The following SOX5 variants were observed in gnomAD, a reference collection of about 807,000 sequenced individuals.
SOX5 encodes the protein transcription factor SOX-5.
A neutral mutation model predicts 92.0 loss-of-function variants in SOX5; 9 were observed. The observed-to-expected ratio is 0.10, with a 90% CI of 0.06 to 0.17. The LOEUF is 0.17. Ranked by LOEUF, SOX5 falls within the 10% of genes least tolerant of loss-of-function variation. The pLI, the probability that SOX5 is intolerant of heterozygous loss-of-function variation, is 1.00. For missense variants in SOX5, 642 were observed against 944.5 expected, an observed-to-expected ratio of 0.68 and a Z score of 4.20; for synonymous variants, 344 against 336.3, an observed-to-expected ratio of 1.02 and a Z score of -0.25.
At chr12:24,276,718 C>A (rs946916905) in intron 3 of SOX5, among the ~76,000 whole-genome samples, 21 of 152,050 alleles carry the variant, frequency 1.4e-4, no homozygotes, top group African/African-American at 4.6e-4. Context: ...ATGTTTCTGT[C>A]AGTAAATTAG....
At chr12:24,245,641 C>T (rs543148994) in intron 3 of SOX5, among the ~76,000 whole-genome samples, 15 of 152,104 alleles carry the variant, frequency 9.9e-5, no homozygotes, top group African/African-American at 3.4e-4. Flanking sequence ...AATATGTACA[C>T]GCACATATGT....
At chr12:23,814,373 T>C (rs1300643299) in intron 3 of SOX5, among the ~76,000 whole-genome samples, 4 of 152,112 alleles carry the variant, frequency 2.6e-5, no homozygotes, top group Non-Finnish European at 4.4e-5. Context: ...CAATGAGATG[T>C]CCCATACTGA....
chr12:24,252,735 C>A (rs929986610), intron 3 of SOX5, among the ~76,000 whole-genome samples: 3 of 151,730 alleles, frequency 2.0e-5, no homozygotes, highest in Non-Finnish European at 4.4e-5. Context: ...GAGGCCCCAG[C>A]TCCTGCAGAG....
intron 1 of SOX5, among the ~76,000 whole-genome samples, chr12:24,403,065 C>T (rs1962124512): frequency 6.6e-6 from 1 of 152,208 alleles, no homozygotes; most frequent in African/African-American, 2.4e-5. Flanking sequence ...ATCCCATTCT[C>T]TGTTATTCAA....
intron 4 of SOX5, among the ~76,000 whole-genome samples, chr12:24,213,096 GGCATCTAT>G (rs1958815588): frequency 6.6e-6 from 1 of 151,972 alleles, no homozygotes; most frequent in Non-Finnish European, 1.5e-5. Context: ...TATAAATTCA[GGCATCTAT>G]GTAACTTATG....
chr12:24,477,893 CA>C (rs1457238123), intron 1 of SOX5, among the ~76,000 whole-genome samples: 2 of 151,880 alleles, frequency 1.3e-5, no homozygotes, highest in African/African-American at 4.8e-5. Flanking sequence ...TCTATTAAAA[CA>C]AAAAAGTTAC....
At chr12:23,690,650 C>A (rs1188624661) in intron 6 of SOX5, among the ~76,000 whole-genome samples, 1 of 152,102 alleles carries the variant, frequency 6.6e-6, no homozygotes, top group African/African-American at 2.4e-5. Context: ...TCAGCAACAT[C>A]CTATCCAGAG....
At chr12:24,271,152 A>C (rs1328816589) in intron 3 of SOX5, among the ~76,000 whole-genome samples, 1 of 152,132 alleles carries the variant, frequency 6.6e-6, no homozygotes, top group African/African-American at 2.4e-5. Context: ...GAGTGTTGCT[A>C]TTGCTCTCCA....
intron 8 of SOX5, among the ~76,000 whole-genome samples, chr12:23,607,614 T>C (rs190484581): frequency 2.9e-4 from 44 of 151,986 alleles, no homozygotes; most frequent in Admixed American, 8.5e-4. Context: ...TATTAAACGT[T>C]CTTAAAGCAA....
At chr12:23,976,406 CAAAA>C (rs869250917) in intron 4 of SOX5, among the ~76,000 whole-genome samples, 2 of 37,874 alleles carry the variant, frequency 5.3e-5, no homozygotes, top group African/African-American at 8.8e-5. Context: ...AACAAAAAAA[CAAAA>C]AAAAAAAAAA....
chr12:23,840,713 A>T (rs1217062428), intron 3 of SOX5, among the ~76,000 whole-genome samples: 2 of 152,186 alleles, frequency 1.3e-5, no homozygotes, highest in Non-Finnish European at 2.9e-5. Flanking sequence ...GCAAGGAAAA[A>T]GGCAAGTCAA....
chr12:23,611,985 T>C (rs1259407591), intron 8 of SOX5, among the ~76,000 whole-genome samples: 1 of 151,990 alleles, frequency 6.6e-6, no homozygotes, highest in Non-Finnish European at 1.5e-5. Flanking sequence ...TACTGTATGA[T>C]AAAACATACT....
chr12:23,936,122 T>C (rs899536929), intron 1 of SOX5, among the ~76,000 whole-genome samples: 2 of 151,044 alleles, frequency 1.3e-5, no homozygotes, highest in African/African-American at 4.8e-5. Context: ...ATGTTAGCTC[T>C]ATCTTTATAT....
intron 1 of SOX5, among the ~76,000 whole-genome samples, chr12:23,939,301 A>G (rs948139911): frequency 4.0e-5 from 6 of 151,120 alleles, no homozygotes; most frequent in African/African-American, 1.5e-4. Context: ...CTGCTTTAAC[A>G]GTAGGATATT....
chr12:23,608,994 G>A (rs1458839525), intron 8 of SOX5, among the ~76,000 whole-genome samples: 1 of 152,142 alleles, frequency 6.6e-6, no homozygotes, highest in Non-Finnish European at 1.5e-5. Context: ...GTATGTCACT[G>A]TCGAAGGTGT....
chr12:23,546,303 A>G lies in SOX5; in HGVS notation c.1597+13T>C, dbSNP rs1158414439. On this transcript the variant is annotated intron_variant, in intron 12 of 14. Transcript: ENST00000451604. ...TTGCATTATTAGAATATGTATGAAC[A>G]ATTTTCACAAACCATCAGAATCTCC... 6.9e-7 allele frequency: 1 copy of G among 1,443,518 alleles called. No homozygotes were observed. Among genetic ancestry groups the G allele is most frequent in the Non-Finnish European group, 9.7e-7 (1 of 1,028,898 alleles). 89.4% of individuals were successfully genotyped at this position (1,443,518 alleles called of 1,614,324 possible). A position where few individuals can be genotyped will look rare whatever the true frequency, so the allele number is the denominator to read the frequency against.
At chr12:24,288,404 G>A (rs540577232) in intron 2 of SOX5, among the ~76,000 whole-genome samples, 1 of 152,106 alleles carries the variant, frequency 6.6e-6, no homozygotes, top group Non-Finnish European at 1.5e-5. Flanking sequence ...CATTTTCTGG[G>A]TGCTAATGAC....
intron 3 of SOX5, among the ~76,000 whole-genome samples, chr12:23,825,422 C>T (rs1350061589): frequency 6.6e-6 from 1 of 152,198 alleles, no homozygotes; most frequent in Non-Finnish European, 1.5e-5. Flanking sequence ...TAACCAGTCC[C>T]ACTGAGATGA....
intron 4 of SOX5, among the ~76,000 whole-genome samples, chr12:24,102,775 C>T (rs1946237697): frequency 6.6e-6 from 1 of 152,190 alleles, no homozygotes; most frequent in African/African-American, 2.4e-5. Flanking sequence ...TAAGATCCAA[C>T]AGTGTTTGAA....
Sources: gnomAD v4.1 joint callset for allele counts (sites outside exome capture counted in the v4.1 genomes callset) on GRCh38, gnomAD v4.1.1 for gene constraint, MANE v1.5 for transcripts, NCBI Gene and HGNC (gene_info 2026-07-23, HGNC 2026-07-21) for gene names.